Variants in GLG1 observed in about 807,000 individuals in gnomAD.
GLG1 encodes the protein Golgi apparatus protein 1.
In GLG1, 38 loss-of-function variants were observed where a neutral mutation model predicts 160.5. The ratio of observed to expected loss-of-function variants is 0.24; its 90% CI spans 0.18 to 0.31. The LOEUF is 0.31. Among genes scored for constraint, GLG1 ranks in the 10% least tolerant of loss-of-function variants. The pLI is 1.00. For synonymous variants in GLG1, 644 were observed against 543.4 expected (o/e 1.19, Z -2.57); for missense variants, 1,373 against 1,505.2 (o/e 0.91, Z 1.45).
chr16:74,556,724 G>C (rs1028920458), intron 1 of GLG1, among the ~76,000 whole-genome samples: 5 of 147,932 alleles, frequency 3.4e-5, no homozygotes, highest in African/African-American at 1.2e-4. Flanking sequence ...TTTGAGACAA[G>C]GTCTTGCTCT....
At chr16:74,499,034 C>T (rs2016314542) in intron 4 of GLG1, among the ~76,000 whole-genome samples, 1 of 152,060 alleles carries the variant, frequency 6.6e-6, no homozygotes, top group Non-Finnish European at 1.5e-5. Flanking sequence ...CGTGTTATCT[C>T]CTAACACACA....
intron 9 of GLG1, among the ~76,000 whole-genome samples, chr16:74,484,715 G>A (rs933068346): frequency 4.6e-5 from 7 of 151,852 alleles, no homozygotes; most frequent in Admixed American, 6.5e-5. Flanking sequence ...AGCACTAAGC[G>A]AGATTGCGCC....
At chr16:74,491,966 A>C (rs2069702501) in intron 7 of GLG1, among the ~76,000 whole-genome samples, 1 of 151,950 alleles carries the variant, frequency 6.6e-6, no homozygotes, top group South Asian at 2.1e-4. Context: ...AAAACAAAAC[A>C]AAACAAAAAC....
intron 6 of GLG1, 93 bp from the exon 7 acceptor site, chr16:74,493,233 T>A: frequency 1.3e-6 from 1 of 755,592 alleles, no homozygotes. Flanking sequence ...CTCAGCCAAG[T>A]ACATGTCAAC....
At chr16:74,587,667 A>C (rs1158685174) in intron 1 of GLG1, among the ~76,000 whole-genome samples, 1 of 152,182 alleles carries the variant, frequency 6.6e-6, no homozygotes, top group African/African-American at 2.4e-5. Context: ...AGAGATCAAG[A>C]CCATCCTGGC....
At chr16:74,472,559 G>C in intron 13 of GLG1, 148 bp from the exon 14 acceptor site, 1 of 1,481,566 alleles carries the variant, frequency 6.7e-7, no homozygotes. Flanking sequence ...GAAGTAGATA[G>C]CCCCAGAATA....
intron 1 of GLG1, among the ~76,000 whole-genome samples, chr16:74,534,328 G>C (rs945397499): frequency 1.3e-5 from 2 of 152,004 alleles, no homozygotes; most frequent in African/African-American, 4.8e-5. Flanking sequence ...CTTTTTCTTA[G>C]ACAGTTTTCT....
chr16:74,584,606 C>A (rs143192362), intron 1 of GLG1, among the ~76,000 whole-genome samples: 24 of 151,928 alleles, frequency 1.6e-4, no homozygotes, highest in East Asian at 9.7e-4. Context: ...GGGTGGGAAG[C>A]GGTTGAGGAA....
rs1299835111 is a variant in GLG1 at position 74,544,285 on chromosome 16, T to C, written c.439-12132A>G. 3.9e-5 allele frequency among the ~76,000 whole-genome samples: 6 copies of C among 152,202 alleles called. No individual in the cohort carries two copies. In the South Asian group the frequency reaches 8.3e-4, roughly 21 times the overall value. On this transcript the variant is annotated intron_variant, in intron 1 of 25. Coordinates refer to ENST00000422840, the MANE Select transcript of GLG1 (RefSeq NM_001145667.2). ...GCTCTTCCAGGTACTAGCTGCAAGA[T>C]CTTGGAAAAATTATTTAACATGTTT...
At chr16:74,573,141 T>C (rs939900856) in intron 1 of GLG1, among the ~76,000 whole-genome samples, 6 of 152,068 alleles carry the variant, frequency 3.9e-5, no homozygotes, top group African/African-American at 9.7e-5. Context: ...AAATAGATAA[T>C]TGACACATAA....
At chr16:74,599,883 A>AT (rs1958398961) in intron 1 of GLG1, among the ~76,000 whole-genome samples, 1 of 148,348 alleles carries the variant, frequency 6.7e-6, no homozygotes, top group Non-Finnish European at 1.5e-5. Context: ...ACAAAAAAAA[A>AT]ATTAGCCAGG....
At chr16:74,557,796 G>C (rs80076654) in intron 1 of GLG1, among the ~76,000 whole-genome samples, 1 of 151,598 alleles carries the variant, frequency 6.6e-6, no homozygotes, top group East Asian at 1.9e-4. Context: ...ATGCTTTCTA[G>C]GCTGGTCTTC....
At chr16:74,575,982 C>G (rs1158896986) in intron 1 of GLG1, among the ~76,000 whole-genome samples, 1 of 152,096 alleles carries the variant, frequency 6.6e-6, no homozygotes, top group Non-Finnish European at 1.5e-5. Context: ...GGCAGATCAC[C>G]TGAGGTCAAG....
intron 2 of GLG1, among the ~76,000 whole-genome samples, chr16:74,512,273 TAA>T (rs368505481): frequency 4.4e-5 from 6 of 135,128 alleles, no homozygotes; most frequent in Non-Finnish European, 7.9e-5. Context: ...GAATCCATAT[TAA>T]AAAAAAAAAA....
At chr16:74,590,103 T>C (rs1037161813) in intron 1 of GLG1, among the ~76,000 whole-genome samples, 3 of 151,886 alleles carry the variant, frequency 2.0e-5, no homozygotes, top group African/African-American at 7.2e-5. Context: ...GTTCATGCCA[T>C]TCTCCTGCCT....
chr16:74,491,028 C>T lies in GLG1; in HGVS notation c.1422G>A (p.Gly474=), dbSNP rs1342233896. Reference sequence around the variant, plus strand: ...CCTGCTGGCAGTTCATTCCAAGGTTCCCCTTCTCCCCTCGAACTACTTTCA... The same window carrying T: ...CCTGCTGGCAGTTCATTCCAAGGTTTCCCTTCTCCCCTCGAACTACTTTCA... The part of the protein sequence containing the change: ...CLMKVVRGEK[G]NLGMNCQQAL... Residue 474 remains glycine, a synonymous_variant, in exon 8 of 26, where the codon GGG becomes GGA. Transcript: ENST00000422840. 6.2e-7 allele frequency: 1 copy of T among 1,613,974 alleles called. No homozygotes were observed. Among genetic ancestry groups the T allele is most frequent in the South Asian group, 1.1e-5 (1 of 91,076 alleles).
In GLG1 at chr16:74,492,979, G is replaced by C. The variant is rs2016057411; in HGVS notation, c.1212C>G (p.Cys404Trp). The stretch of plus-strand genomic sequence containing the variant: ...TACCTCTGTGTACAGCTGACTCCAG[G>C]CACATTAACAAGTAGGAGAGCCTGG... Reference protein sequence around the residue: ...REARLSYLLMCLESAVHRGRQ... With the variant: ...REARLSYLLMWLESAVHRGRQ... The change falls in exon 7 of 26, where the codon TGC (cysteine) becomes TGG (tryptophan). Residue 404 changes from cysteine to tryptophan, a missense_variant. This residue lies in a region of GLG1 where 386 missense variants were observed against 388.5 expected (regional missense o/e 0.99). Transcript: ENST00000422840. 1 of 1,611,672 alleles carries C rather than the reference G, an allele frequency of 6.2e-7. No individual in the cohort carries two copies. Among genetic ancestry groups the C allele is most frequent in the Non-Finnish European group, 8.5e-7 (1 of 1,178,808 alleles).
intron 1 of GLG1, among the ~76,000 whole-genome samples, chr16:74,542,986 C>G (rs1348809887): frequency 7.2e-5 from 11 of 151,938 alleles, no homozygotes; most frequent in African/African-American, 2.4e-4. Flanking sequence ...GCAAAAAAGT[C>G]CTGAAATTAA....
chr16:74,533,417 A>G (rs575854273), intron 1 of GLG1, among the ~76,000 whole-genome samples: 10 of 152,376 alleles, frequency 6.6e-5, no homozygotes, highest in South Asian at 2.1e-4. Context: ...TTTGCAATAC[A>G]TAACTCCTTT....
Sources: allele counts gnomAD v4.1 joint callset (sites outside exome capture counted in the v4.1 genomes callset), GRCh38; gene constraint gnomAD v4.1.1; regional missense constraint gnomAD v4.1.1; transcripts MANE v1.5; gene names NCBI Gene and HGNC (gene_info 2026-07-23, HGNC 2026-07-21).